STAT3: variants seen among roughly 807,000 people sequenced by gnomAD.
STAT3 encodes the protein DNA-binding protein APRF.
In STAT3, 7 loss-of-function variants were observed where a neutral mutation model predicts 114.3. That is an observed-to-expected ratio of 0.06 (90% CI 0.03 to 0.11). STAT3 has a LOEUF of 0.11. STAT3 is among the 10% of genes least tolerant of loss of function. The probability of loss-of-function intolerance (pLI) is 1.00; values close to 1 mark genes in which losing one functional copy is unlikely to be tolerated. For synonymous variants in STAT3, 331 were observed against 354.5 expected (o/e 0.93, Z 0.74); for missense variants, 364 against 960.9 (o/e 0.38, Z 8.21).
At chr17:42,341,951 T>C (rs2082460089) in intron 4 of STAT3, among the ~76,000 whole-genome samples, 1 of 152,106 alleles carries the variant, frequency 6.6e-6, no homozygotes, top group South Asian at 2.1e-4. Flanking sequence ...AAAACATCCT[T>C]GGGATAACTT....
chr17:42,315,533 A>C lies in STAT3; in HGVS notation c.*212T>G, dbSNP rs1490297435. ...TCTCAGAGAACACATCCTTATTTGC[A>C]TTTAGATAAAAGCAGATCACCCACA... On this transcript the variant is annotated 3_prime_UTR_variant, in exon 24 of 24. Coordinates refer to ENST00000264657, the MANE Select transcript of STAT3 (RefSeq NM_139276.3). The C allele has an allele frequency of 1.6e-5, 10 of 629,650 alleles. No homozygotes were observed. The highest frequency in any genetic ancestry group is 2.8e-5 in the Non-Finnish European group (10 of 353,308). The allele number at this position is 629,650 out of a possible 1,614,324, so 39.0% of individuals were successfully genotyped here.
intron 21 of STAT3, among the ~76,000 whole-genome samples, chr17:42,321,114 CTTTTT>C (rs971943600): frequency 1.8e-5 from 2 of 110,140 alleles, no homozygotes; most frequent in South Asian, 3.1e-4. Flanking sequence ...ATTTCTCTCT[CTTTTT>C]TTTTTTTTTT....
At chr17:42,319,841 C>G (rs999347246) in intron 21 of STAT3, among the ~76,000 whole-genome samples, 8 of 152,272 alleles carry the variant, frequency 5.3e-5, no homozygotes, top group African/African-American at 1.9e-4. Context: ...CCCCCACACC[C>G]GTCACCACAC....
rs145416233 is a variant in STAT3, at chr17:42,356,683, G to A, written c.-23-8144C>T. ...AAATAGAGACCAGCTGCCCAAGCTGGTCTCAAACTCCTGGTCTCAAGCGAC... is the reference window on the plus strand; with the variant it reads ...AAATAGAGACCAGCTGCCCAAGCTGATCTCAAACTCCTGGTCTCAAGCGAC... On this transcript the variant is annotated intron_variant, in intron 1 of 23. Transcript: ENST00000264657. Among the ~76,000 whole-genome samples the A allele has an allele frequency of 4.7e-4, 72 of 152,174 alleles. 1 individual carries two copies. In the East Asian group the frequency reaches 8.9e-3, roughly 19 times the overall value.
At chr17:42,352,546 A>G (rs545052899) in intron 1 of STAT3, among the ~76,000 whole-genome samples, 1 of 151,910 alleles carries the variant, frequency 6.6e-6, no homozygotes, top group Admixed American at 6.6e-5. Flanking sequence ...CTCTCTTACA[A>G]TATTTGCATT....
Position 42,314,431 on chromosome 17 carries a change from T to C in STAT3, c.*1314A>G, listed in dbSNP as rs1278768257. ...TAAAACAAACAGGATGAGGGACCTT[T>C]AGACACGCAAGGAGACATGCCTCTA... is the stretch of plus-strand genomic sequence containing the variant. On this transcript the variant is annotated 3_prime_UTR_variant, in exon 24 of 24. Coordinates refer to ENST00000264657, the MANE Select transcript of STAT3 (RefSeq NM_139276.3). 1 of 205,680 alleles carries C rather than the reference T, an allele frequency of 4.9e-6. No individual in the cohort carries two copies. The highest frequency in any genetic ancestry group is 9.5e-6 in the Non-Finnish European group (1 of 105,568). 12.7% of individuals were successfully genotyped at this position (205,680 alleles called of 1,614,324 possible).
chr17:42,337,136 C>T lies in STAT3; in HGVS notation c.797+299G>A, dbSNP rs1299694370. On this transcript the variant is annotated intron_variant, in intron 8 of 23. Transcript: ENST00000264657. This position sits in a 1 kb window ranked among gnomAD's most constrained non-coding sequence, Gnocchi z 4.0. Reference sequence around the variant, plus strand: ...CTGGGACTACAGGTGCGCACCACCACGCCCGGCTAATTTTTTTATGTTTTT... The same window carrying T: ...CTGGGACTACAGGTGCGCACCACCATGCCCGGCTAATTTTTTTATGTTTTT... Among the ~76,000 whole-genome samples the T allele has an allele frequency of 1.3e-5, 2 of 152,000 alleles. No homozygotes were observed. Among genetic ancestry groups the T allele is most frequent in the African/African-American group, 4.8e-5 (2 of 41,372 alleles).
intron 2 of STAT3, 77 bp from the exon 3 acceptor site, chr17:42,346,790 A>T: frequency 6.2e-7 from 1 of 1,608,074 alleles, no homozygotes; most frequent in Non-Finnish European, 8.5e-7. Context: ...CCATCAAGAA[A>T]GAGGAAAAAA....
At chr17:42,382,750 C>G (rs1244138727) in intron 1 of STAT3, among the ~76,000 whole-genome samples, 1 of 151,780 alleles carries the variant, frequency 6.6e-6, no homozygotes, top group African/African-American at 2.4e-5. Flanking sequence ...GGACTCATGC[C>G]ATTCTCCTGC....
chr17:42,334,105 T>C lies in STAT3; in HGVS notation c.798-56A>G, dbSNP rs1278466755. On this transcript the variant is annotated intron_variant, in intron 8 of 23. Transcript: ENST00000264657. ...CCAAAGTGAATGTATACAGGTGAGA[T>C]GGAGAAGGGGAAGGAAATACTGAAG... The C allele has an allele frequency of 1.9e-6, 3 of 1,603,610 alleles. No individual in the cohort carries two copies. The South Asian group carries it at 3.3e-5, about 18-fold the overall frequency.
At position 42,357,482 on chromosome 17, in the gene STAT3, G is replaced by C. The variant is rs1378345529; in HGVS notation, c.-23-8943C>G. On this transcript the variant is annotated intron_variant, in intron 1 of 23. Coordinates refer to ENST00000264657, the MANE Select transcript of STAT3 (RefSeq NM_139276.3). The stretch of plus-strand genomic sequence containing the variant: ...AGGTCAGGAGTTCGAGACCAGCCAG[G>C]CTAACATGGCAAAAGCCTGTCTCTA... 2.0e-5 allele frequency among the ~76,000 whole-genome samples: 3 copies of C among 152,070 alleles called. No individual in the cohort carries two copies. In the East Asian group the frequency reaches 5.8e-4, roughly 29 times the overall value.
chr17:42,365,449 C>T (rs1196071460), intron 1 of STAT3, among the ~76,000 whole-genome samples: 1 of 152,112 alleles, frequency 6.6e-6, no homozygotes. Flanking sequence ...AAATTCCTGC[C>T]CACGGCATCT....
intron 1 of STAT3, among the ~76,000 whole-genome samples, chr17:42,361,554 T>G (rs938512309): frequency 1.3e-5 from 2 of 151,994 alleles, no homozygotes; most frequent in African/African-American, 4.8e-5. Flanking sequence ...TTCGTGATCA[T>G]TAATAAATAT....
chr17:42,365,371 C>A (rs1218675483), intron 1 of STAT3, among the ~76,000 whole-genome samples: 1 of 152,168 alleles, frequency 6.6e-6, no homozygotes, highest in Non-Finnish European at 1.5e-5. Flanking sequence ...TTACCCCCAG[C>A]CGCTTGAGTT....
chr17:42,337,667 G>C lies in STAT3; in HGVS notation c.646-81C>G, dbSNP rs561039933. On this transcript the variant is annotated intron_variant, in intron 7 of 23. Coordinates refer to ENST00000264657, the MANE Select transcript of STAT3 (RefSeq NM_139276.3). This position sits in a 1 kb window ranked among gnomAD's most constrained non-coding sequence, Gnocchi z 4.0. ...CATTCTTTAGTCAACTCCAGAGCAG[G>C]AACTTCTTAGAAACCAAGCAAGTTC... is the stretch of plus-strand genomic sequence containing the variant. The C allele has an allele frequency of 3.7e-6, 6 of 1,613,534 alleles. No homozygotes were observed. In the East Asian group the frequency reaches 1.1e-4, roughly 30 times the overall value.
rs2082271663 is a variant in STAT3 at position 42,337,363 on chromosome 17, T to C, written c.797+72A>G. The C allele has an allele frequency of 6.3e-6, 10 of 1,587,654 alleles. No individual in the cohort carries two copies. Among genetic ancestry groups the C allele is most frequent in the Non-Finnish European group, 6.9e-6 (8 of 1,162,994 alleles). On this transcript the variant is annotated intron_variant, in intron 8 of 23. Transcript: ENST00000264657. The surrounding 1 kb of genome is among the most constrained non-coding windows in gnomAD (Gnocchi z 4.0). ...CGTTGGAGATATAGTACCAATTCTG[T>C]GGGCCTGCAGTTAAGATCAGAATTC...
intron 1 of STAT3, among the ~76,000 whole-genome samples, chr17:42,373,459 G>A (rs1454185829): frequency 6.6e-6 from 1 of 152,172 alleles, no homozygotes. Context: ...GGCTGAGGCA[G>A]GAGAATCACT....
intron 21 of STAT3, among the ~76,000 whole-genome samples, chr17:42,321,821 C>T (rs2081496319): frequency 6.6e-6 from 1 of 152,036 alleles, no homozygotes; most frequent in South Asian, 2.1e-4. Context: ...TGTATTGATC[C>T]CCTCTTTATT....
intron 1 of STAT3, among the ~76,000 whole-genome samples, chr17:42,374,953 T>G (rs2084370024): frequency 6.6e-6 from 1 of 152,252 alleles, no homozygotes; most frequent in Admixed American, 6.5e-5. Context: ...ATGTAATAAC[T>G]GGAAGTTAAC....
Sources: gnomAD v4.1 joint callset for allele counts (sites outside exome capture counted in the v4.1 genomes callset) on GRCh38, gnomAD v4.1.1 for gene constraint, Gnocchi (gnomAD v3.1) non-coding constraint, MANE v1.5 for transcripts, NCBI Gene and HGNC (gene_info 2026-07-23, HGNC 2026-07-21) for gene names.